The following POU2F1 variants were observed in gnomAD, a reference collection of about 807,000 sequenced individuals.
POU2F1 encodes POU domain, class 2, transcription factor 1.
POU2F1 carries 16 observed loss-of-function variants against 84.9 expected under a neutral mutation model. The ratio of observed to expected loss-of-function variants is 0.19; its 90% CI spans 0.13 to 0.29. POU2F1 has a LOEUF of 0.29. Ranked by LOEUF, POU2F1 falls within the 10% of genes least tolerant of loss-of-function variation. POU2F1 has a pLI of 1.00. For synonymous variants in POU2F1, 368 were observed against 368.3 expected (o/e 1.00, Z 0.01); for missense variants, 738 against 942.6 (o/e 0.78, Z 2.84).
intron 1 of POU2F1, among the ~76,000 whole-genome samples, chr1:167,259,300 G>A (rs1651373900): frequency 6.6e-6 from 1 of 152,134 alleles, no homozygotes; most frequent in South Asian, 2.1e-4. Context: ...AGATTTGAGG[G>A]ATGCAGCTCT....
chr1:167,241,287 T>C (rs770824896), intron 1 of POU2F1: 5 of 152,212 alleles, frequency 3.3e-5, no homozygotes, highest in Admixed American at 1.3e-4. Flanking sequence ...ATAATCTATT[T>C]GTCTTCATAA....
intron 1 of POU2F1, among the ~76,000 whole-genome samples, chr1:167,317,626 A>G (rs1415065418): frequency 1.3e-5 from 2 of 152,242 alleles, no homozygotes; most frequent in Non-Finnish European, 2.9e-5. Context: ...ACATGTCCTT[A>G]AGGCACAGAT....
intron 2 of POU2F1, among the ~76,000 whole-genome samples, chr1:167,349,963 G>A (rs1199928817): frequency 1.3e-5 from 2 of 152,230 alleles, no homozygotes; most frequent in Middle Eastern, 3.4e-3. Flanking sequence ...CTGTAAACAT[G>A]AACACATCAG....
At chr1:167,322,483 G>A (rs1656388104) in intron 1 of POU2F1, among the ~76,000 whole-genome samples, 1 of 152,250 alleles carries the variant, frequency 6.6e-6, no homozygotes, top group Admixed American at 6.5e-5. Flanking sequence ...GGGTTCCCCA[G>A]GCAGAAGGCT....
chr1:167,395,834 A>G (rs1358260210), intron 9 of POU2F1, among the ~76,000 whole-genome samples: 1 of 152,182 alleles, frequency 6.6e-6, no homozygotes, highest in Admixed American at 6.5e-5. Flanking sequence ...TCCTGGGCTC[A>G]AGCATTCCAC....
intron 1 of POU2F1, among the ~76,000 whole-genome samples, chr1:167,330,201 T>C (rs1225830882): frequency 6.6e-6 from 1 of 152,178 alleles, no homozygotes; most frequent in Admixed American, 6.5e-5. Context: ...ATATCTTACA[T>C]TTAAAACTTT....
At chr1:167,338,255 A>G (rs1657603112) in intron 2 of POU2F1, 1 of 460,156 alleles carries the variant, frequency 2.2e-6, no homozygotes, top group Admixed American at 2.4e-5. Context: ...CCACTTAATG[A>G]ATAGTAAATA....
intron 1 of POU2F1, among the ~76,000 whole-genome samples, chr1:167,270,660 G>C (rs1652307092): frequency 6.6e-6 from 1 of 152,126 alleles, no homozygotes; most frequent in Admixed American, 6.5e-5. Flanking sequence ...CCTTGGGGTG[G>C]CATCTGTCTT....
At chr1:167,296,344 A>AAT (rs1296034246) in intron 1 of POU2F1, among the ~76,000 whole-genome samples, 1 of 152,158 alleles carries the variant, frequency 6.6e-6, no homozygotes, top group Non-Finnish European at 1.5e-5. Flanking sequence ...ATTTAATATC[A>AAT]ATATTGTAAT....
intron 1 of POU2F1, among the ~76,000 whole-genome samples, chr1:167,286,172 A>G (rs753972565): frequency 8.5e-5 from 13 of 152,156 alleles, no homozygotes; most frequent in South Asian, 2.1e-4. Flanking sequence ...CAGCTTTTTA[A>G]TATATATGCC....
At chr1:167,351,747 G>A (rs551387248) in intron 2 of POU2F1, among the ~76,000 whole-genome samples, 7 of 151,516 alleles carry the variant, frequency 4.6e-5, no homozygotes, top group Non-Finnish European at 8.8e-5. Flanking sequence ...TAGAGAGGAG[G>A]GTGAAGGATA....
chr1:167,273,468 T>G (rs1423029543), intron 1 of POU2F1, among the ~76,000 whole-genome samples: 1 of 152,194 alleles, frequency 6.6e-6, no homozygotes, highest in Non-Finnish European at 1.5e-5. Flanking sequence ...GCCTGGAGTT[T>G]CCATACATCC....
At chr1:167,246,901 AG>A (rs1650359104) in intron 1 of POU2F1, among the ~76,000 whole-genome samples, 1 of 152,344 alleles carries the variant, frequency 6.6e-6, no homozygotes, top group African/African-American at 2.4e-5. Flanking sequence ...AAACTGACCC[AG>A]TAATCCCATA....
At chr1:167,414,041 G>A (rs1359300747) in intron 15 of POU2F1, among the ~76,000 whole-genome samples, 4 of 151,324 alleles carry the variant, frequency 2.6e-5, no homozygotes, top group Non-Finnish European at 5.9e-5. Context: ...AATTCTCAGG[G>A]CCAAAAATAA....
At chr1:167,316,028 G>A (rs1168675696) in intron 1 of POU2F1, among the ~76,000 whole-genome samples, 1 of 152,182 alleles carries the variant, frequency 6.6e-6, no homozygotes, top group African/African-American at 2.4e-5. Context: ...AACCAGTTAT[G>A]AAGGTGGATA....
At position 167,425,082 on chromosome 1, in the gene POU2F1, A is replaced by G. The variant is rs1445734860; in HGVS notation, c.*9272A>G. The G allele has an allele frequency of 1.3e-5, 2 of 151,952 alleles. No homozygotes were observed. Among genetic ancestry groups the G allele is most frequent in the Admixed American group, 6.6e-5 (1 of 15,258 alleles). The allele number at this position is 151,952 out of a possible 1,614,324, so 9.4% of individuals were successfully genotyped here. A position where few individuals can be genotyped will look rare whatever the true frequency, so the allele number is the denominator to read the frequency against. ...TTATTATTTGACAATCTTATATCCAATGGGCTCTCTAGAAGCTGCATCCCC... is the reference window on the plus strand; with the variant it reads ...TTATTATTTGACAATCTTATATCCAGTGGGCTCTCTAGAAGCTGCATCCCC... On this transcript the variant is annotated 3_prime_UTR_variant, in exon 16 of 16. Transcript: ENST00000367866.
At chr1:167,255,817 A>G (rs1333221828) in intron 1 of POU2F1, among the ~76,000 whole-genome samples, 2 of 152,310 alleles carry the variant, frequency 1.3e-5, no homozygotes, top group East Asian at 3.9e-4. Flanking sequence ...AATATGGTTG[A>G]TGTGCCAAAC....
rs544526624 is a variant in POU2F1 at position 167,235,552 on chromosome 1, G to T, written c.61+14594G>T. ...ATGCCATCAGGACCAGTACGAGACT[G>T]GTTTGGTGATTGAGCCCATTTCCTG... On this transcript the variant is annotated intron_variant, in intron 1 of 15. Coordinates refer to ENST00000367866, the MANE Select transcript of POU2F1 (RefSeq NM_002697.4). Among the ~76,000 whole-genome samples the T allele has an allele frequency of 2.6e-5, 4 of 152,286 alleles. No homozygotes were observed. In the East Asian group the frequency reaches 7.7e-4, roughly 29 times the overall value.
chr1:167,409,754 A>G (rs1649825548), intron 13 of POU2F1, among the ~76,000 whole-genome samples: 1 of 152,238 alleles, frequency 6.6e-6, no homozygotes, highest in South Asian at 2.1e-4. Context: ...AGAGTAAAGA[A>G]ATAACTATTT....
Sources: gnomAD v4.1 joint callset for allele counts (sites outside exome capture counted in the v4.1 genomes callset) on GRCh38, gnomAD v4.1.1 for gene constraint, MANE v1.5 for transcripts, NCBI Gene and HGNC (gene_info 2026-07-23, HGNC 2026-07-21) for gene names.